ADPRHL1: variants seen among roughly 807,000 people sequenced by gnomAD.
The protein encoded by ADPRHL1 is ADP-ribosylhydrolase like 1.
A neutral mutation model predicts 44.1 loss-of-function variants in ADPRHL1; 43 were observed. The observed-to-expected ratio is 0.98, with a 90% CI of 0.76 to 1.26. The LOEUF (loss-of-function observed/expected upper bound fraction) is 1.26. Among genes scored for constraint, ADPRHL1 ranks in the 50% most tolerant of loss-of-function variants. The pLI, the probability that ADPRHL1 is intolerant of heterozygous loss-of-function variation, is 0.00. For synonymous variants in ADPRHL1, 878 were observed against 1,017.4 expected, an observed-to-expected ratio of 0.86 and a Z score of 2.61; for missense variants, 2,022 against 2,496.9, an observed-to-expected ratio of 0.81 and a Z score of 4.05.
intron 2 of ADPRHL1, among the ~76,000 whole-genome samples, chr13:113,438,491 C>G (rs1029762326): frequency 6.6e-6 from 1 of 151,908 alleles, no homozygotes; most frequent in African/African-American, 2.4e-5. Flanking sequence ...GTCAGGAGTT[C>G]GAGACCAGCC....
At chr13:113,419,334 C>T (rs1409552344) in intron 7 of ADPRHL1, among the ~76,000 whole-genome samples, 3 of 131,366 alleles carry the variant, frequency 2.3e-5, no homozygotes, top group Non-Finnish European at 4.7e-5. Flanking sequence ...CCAGGCTGGT[C>T]TCAAACTCCT....
intron 1 of ADPRHL1, among the ~76,000 whole-genome samples, chr13:113,451,579 G>A (rs899750024): frequency 6.6e-6 from 1 of 152,274 alleles, no homozygotes; most frequent in South Asian, 2.1e-4. Flanking sequence ...AAGCTGAGGT[G>A]GGTGGATCAC....
At chr13:113,412,878 CG>C (rs1454263645) in intron 7 of ADPRHL1, among the ~76,000 whole-genome samples, 4 of 33,586 alleles carry the variant, frequency 1.2e-4, no homozygotes, top group African/African-American at 9.2e-4. Flanking sequence ...CCGCCAACAG[CG>C]CCCCGCAGAG....
chr13:113,406,396 A>G lies in ADPRHL1; in HGVS notation c.2886T>C (p.Phe962=). ...PAGGKENKGS[F]ENSHGPRNPD... ...GATTCCTGGGACCGTGTGAATTCTCAAAGCTGCCTTTGTTTTCCTTCCCGC... is the reference window on the plus strand; with the variant it reads ...GATTCCTGGGACCGTGTGAATTCTCGAAGCTGCCTTTGTTTTCCTTCCCGC... The change falls in exon 8 of 8, where the codon TTT becomes TTC. Residue 962 remains phenylalanine, a synonymous_variant. Coordinates refer to ENST00000612156, the MANE Select transcript of ADPRHL1 (RefSeq NM_001394807.1). 3 of 1,232,078 alleles carry G rather than the reference A, an allele frequency of 2.4e-6. No individual in the cohort carries two copies. The highest frequency in any genetic ancestry group is 2.0e-6 in the Non-Finnish European group (2 of 987,976). 76.3% of individuals were successfully genotyped at this position (1,232,078 alleles called of 1,614,324 possible).
chr13:113,408,550 A>G (rs2043825984), intron 7 of ADPRHL1, among the ~76,000 whole-genome samples: 1 of 152,236 alleles, frequency 6.6e-6, no homozygotes, highest in African/African-American at 2.4e-5. Flanking sequence ...GCAACATATT[A>G]AAAGAAAATT....
rs542029764 is a variant in ADPRHL1 at position 113,441,972 on chromosome 13, G to A, written c.379+2453C>T. ...CGTTGTGTCCCGCCACGCGGCGTCC[G>A]CGTCTCTATCACGCTGTGTCCTGTG... On this transcript the variant is annotated intron_variant, in intron 2 of 7. Transcript: ENST00000612156. The surrounding 1 kb of genome is among the most constrained non-coding windows in gnomAD (Gnocchi z 6.0). Among the ~76,000 whole-genome samples the A allele has an allele frequency of 1.9e-4, 29 of 152,384 alleles. No homozygotes were observed. The highest frequency in any genetic ancestry group is 1.4e-3 in the South Asian group (7 of 4,828).
chr13:113,435,200 TGAACATAGGTGTACCCCG>T (rs2044042518), intron 2 of ADPRHL1, among the ~76,000 whole-genome samples: 1 of 18,414 alleles, frequency 5.4e-5, no homozygotes, highest in Non-Finnish European at 1.5e-4. Flanking sequence ...AGGCGTAGAG[TGAACATAGGTGTACCCCG>T]GGACCCAGCA....
intron 1 of ADPRHL1, among the ~76,000 whole-genome samples, chr13:113,451,067 G>A (rs1189155786): frequency 6.6e-6 from 1 of 152,048 alleles, no homozygotes; most frequent in African/African-American, 2.4e-5. Flanking sequence ...TGGCGTCACA[G>A]CTAGACCAAG....
In ADPRHL1 at chr13:113,403,730, C is replaced by T. The variant is rs2043781225; in HGVS notation, c.5552G>A (p.Gly1851Asp). Residue 1851 changes from glycine (G) to aspartate (D), a missense_variant, in exon 8 of 8, where the codon GGC (glycine) becomes GAC (aspartate). Gly to Asp is a moderately conservative substitution (Grantham distance 94). Coordinates refer to ENST00000612156, the MANE Select transcript of ADPRHL1 (RefSeq NM_001394807.1). ...PAPRDGGQSG[G>D]SGLGEPSAGY... is the part of the protein sequence containing the mutation. ...GGCGCTGGGCTCCCCCAGGCCACTG[C>T]CCCCTGACTGTCCACCATCCCTGGG... is the stretch of plus-strand genomic sequence containing the variant. 3 of 1,232,372 alleles carry T rather than the reference C, an allele frequency of 2.4e-6. No individual in the cohort carries two copies. The highest frequency in any genetic ancestry group is 8.2e-5 in the South Asian group (2 of 24,390). The allele number at this position is 1,232,372 out of a possible 1,614,324, so 76.3% of individuals were successfully genotyped here. A position where few individuals can be genotyped will look rare whatever the true frequency, so the allele number is the denominator to read the frequency against.
chr13:113,434,487 G>C (rs11843406), intron 2 of ADPRHL1, among the ~76,000 whole-genome samples: 218 of 150,758 alleles, frequency 1.4e-3, no homozygotes, highest in African/African-American at 5.1e-3. Context: ...CACGTAGAGT[G>C]AACATAGGTG....
intron 3 of ADPRHL1, among the ~76,000 whole-genome samples, chr13:113,432,544 C>T (rs913040731): frequency 3.3e-5 from 5 of 152,256 alleles, no homozygotes; most frequent in African/African-American, 1.2e-4. Flanking sequence ...CCAGTTGGGT[C>T]ACGTGCCTTC....
intron 3 of ADPRHL1, among the ~76,000 whole-genome samples, chr13:113,431,587 G>A (rs1402207135): frequency 6.6e-6 from 1 of 152,250 alleles, no homozygotes; most frequent in Non-Finnish European, 1.5e-5. Flanking sequence ...TACTGCCAGA[G>A]GTGGTTTGAA....
chr13:113,419,021 T>C (rs2043901217), intron 7 of ADPRHL1, among the ~76,000 whole-genome samples: 1 of 151,226 alleles, frequency 6.6e-6, no homozygotes, highest in Non-Finnish European at 1.5e-5. Context: ...CCTTCCTTCC[T>C]TTCTTCCCCT....
chr13:113,448,465 CAAAAAA>C (rs61278696), intron 1 of ADPRHL1, among the ~76,000 whole-genome samples: 11 of 39,850 alleles, frequency 2.8e-4, no homozygotes, highest in African/African-American at 9.6e-4. Flanking sequence ...GACTATGTCC[CAAAAAA>C]AAAAAAAAAA....
chr13:113,415,588 T>TA (rs1436473415), intron 7 of ADPRHL1, among the ~76,000 whole-genome samples: 77 of 152,076 alleles, frequency 5.1e-4, no homozygotes, highest in African/African-American at 1.9e-3. Flanking sequence ...GCAACTCTAC[T>TA]AAAAACACAA....
rs1289134597 is a variant in ADPRHL1 at position 113,422,873 on chromosome 13, C to G, written c.1014G>C (p.Lys338Asn). The G allele has an allele frequency of 6.2e-7, 1 of 1,612,844 alleles. No individual in the cohort carries two copies. Among genetic ancestry groups the G allele is most frequent in the Non-Finnish European group, 8.5e-7 (1 of 1,179,998 alleles). ...GLYQDLEDKE[K>N]LEDLGAALYR... ...AGAGAGCCGCGCCCAGGTCCTCCAG[C>G]TTCTCCTTGTCCTCCAGGTCCTGGT... Residue 338 changes from lysine to asparagine, a missense_variant, in exon 7 of 8, where the codon AAG (lysine) becomes AAC (asparagine). Lys to Asn is a moderately conservative substitution (Grantham distance 94). Transcript: ENST00000612156.
chr13:113,429,041 C>T lies in ADPRHL1; in HGVS notation c.557G>A (p.Gly186Glu). The T allele has an allele frequency of 1.2e-6, 2 of 1,612,802 alleles. No homozygotes were observed. The highest frequency in any genetic ancestry group is 1.7e-6 in the Non-Finnish European group (2 of 1,179,966). The change falls in exon 4 of 8, where the codon GGA becomes GAA. Residue 186 changes from glycine (G) to glutamate (E), a missense_variant. Around this residue, in one of 8 missense-constraint regions of ADPRHL1, gnomAD observed 437 missense variants for 430.7 expected, o/e 1.01. Coordinates refer to ENST00000612156, the MANE Select transcript of ADPRHL1 (RefSeq NM_001394807.1). Reference sequence around the variant, plus strand: ...TCTCCCCCACTGGACCAGGGGCTTTCCTTGTGCGGCGAACGACACAAACAG... The same window carrying T: ...TCTCCCCCACTGGACCAGGGGCTTTTCTTGTGCGGCGAACGACACAAACAG... ...TALFVSFAAQ[G>E]KPLVQWGRDM...
chr13:113,437,217 G>A (rs918776648), intron 2 of ADPRHL1, among the ~76,000 whole-genome samples: 1 of 148,934 alleles, frequency 6.7e-6, no homozygotes, highest in African/African-American at 2.5e-5. Context: ...CACGTAGAGT[G>A]AACACAGGTG....
chr13:113,409,627 G>A lies in ADPRHL1; in HGVS notation c.1062-1407C>T, dbSNP rs1425349587. The A allele has an allele frequency of 1.0e-6, 1 of 984,914 alleles. No homozygotes were observed. The highest frequency in any genetic ancestry group is 1.2e-6 in the Non-Finnish European group (1 of 829,494). The allele number at this position is 984,914 out of a possible 1,614,324, so 61.0% of individuals were successfully genotyped here. Reference sequence around the variant, plus strand: ...AGGCCGGGCGCCGTGGCTCACGCCTGTAATCTCAGCGTGATTTGGGAGGCC... The same window carrying A: ...AGGCCGGGCGCCGTGGCTCACGCCTATAATCTCAGCGTGATTTGGGAGGCC... On this transcript the variant is annotated intron_variant, in intron 7 of 7. Transcript: ENST00000612156. This position sits in a 1 kb window ranked among gnomAD's most constrained non-coding sequence, Gnocchi z 4.2.
Sources: allele counts gnomAD v4.1 joint callset (sites outside exome capture counted in the v4.1 genomes callset), GRCh38; gene constraint gnomAD v4.1.1; regional missense constraint gnomAD v4.1.1; non-coding constraint Gnocchi (gnomAD v3.1); transcripts MANE v1.5; gene names NCBI Gene and HGNC (gene_info 2026-07-23, HGNC 2026-07-21).